Variants in GPATCH8 observed in about 807,000 individuals in gnomAD.
GPATCH8 encodes the protein G-patch domain containing 8, also known as G patch domain-containing protein 8.
In GPATCH8, 18 loss-of-function variants were observed where a neutral mutation model predicts 118.3. The ratio of observed to expected loss-of-function variants is 0.15; its 90% CI spans 0.11 to 0.23. The LOEUF (loss-of-function observed/expected upper bound fraction) is 0.23. Among genes scored for constraint, GPATCH8 ranks in the 10% least tolerant of loss-of-function variants. GPATCH8 has a pLI of 1.00. For synonymous variants in GPATCH8, 659 were observed against 684.7 expected (o/e 0.96, Z 0.59); for missense variants, 1,631 against 1,873.8 (o/e 0.87, Z 2.39).
intron 6 of GPATCH8, among the ~76,000 whole-genome samples, chr17:44,412,072 G>T (rs147045311): frequency 6.6e-6 from 1 of 152,152 alleles, no homozygotes; most frequent in Middle Eastern, 3.4e-3. Flanking sequence ...ACAAGCATGC[G>T]CCACCACGCC....
Position 44,503,328 on chromosome 17 carries a change from G to A in GPATCH8, c.43C>T (p.Gln15Ter). ...FSRFNEDRDF[Q>*]GNHFDQYEEG... Reference sequence around the variant, plus strand: ...TCCTCGGCGACGCCCGTGTTTACCTGAAAGTCTCGGTCTTCGTTGAAGCGG... The same window carrying A: ...TCCTCGGCGACGCCCGTGTTTACCTAAAAGTCTCGGTCTTCGTTGAAGCGG... Residue 15 changes from glutamine to a stop codon, truncating the protein, a stop_gained and splice_region_variant, in exon 1 of 8, where the codon CAG becomes TAG. Coordinates refer to ENST00000591680, the MANE Select transcript of GPATCH8 (RefSeq NM_001002909.4). LOFTEE classifies it high-confidence loss of function. 1 of 1,610,760 alleles carries A rather than the reference G, an allele frequency of 6.2e-7. No individual in the cohort carries two copies. Among genetic ancestry groups the A allele is most frequent in the Non-Finnish European group, 8.5e-7 (1 of 1,178,642 alleles).
chr17:44,471,352 C>G (rs138050677), intron 2 of GPATCH8, among the ~76,000 whole-genome samples: 1,831 of 152,274 alleles, frequency 0.012, 14 homozygotes, highest in Non-Finnish European at 0.017. Context: ...TCTCATTTCC[C>G]ATCTTGCTGG....
chr17:44,401,986 A>G, intron 7 of GPATCH8, among the ~76,000 whole-genome samples: 1 of 150,168 alleles, frequency 6.7e-6, no homozygotes. Flanking sequence ...TCTGGGTGAC[A>G]GAGCGAGACT....
intron 3 of GPATCH8, 193 bp from the exon 4 acceptor site, chr17:44,436,738 C>G (rs2050526399): frequency 2.8e-5 from 16 of 569,684 alleles, no homozygotes; most frequent in South Asian, 3.8e-5. Context: ...AATTAACCAC[C>G]TTGGCTGACG....
intron 3 of GPATCH8, among the ~76,000 whole-genome samples, chr17:44,456,476 T>C (rs574193362): frequency 6.6e-6 from 1 of 151,846 alleles, no homozygotes; most frequent in South Asian, 2.1e-4. Flanking sequence ...ATTGTAACAT[T>C]ACATGTTTCT....
At chr17:44,438,663 A>G (rs561556757) in intron 3 of GPATCH8, 1 of 152,648 alleles carries the variant, frequency 6.6e-6, no homozygotes, top group East Asian at 1.9e-4. Context: ...CTGAAAATAA[A>G]AAATTACCAC....
intron 1 of GPATCH8, among the ~76,000 whole-genome samples, chr17:44,479,409 A>G (rs915458173): frequency 6.6e-6 from 1 of 152,224 alleles, no homozygotes; most frequent in Non-Finnish European, 1.5e-5. Flanking sequence ...ATGCAATACA[A>G]ATCAGGATTA....
At chr17:44,452,549 A>G (rs1235539750) in intron 3 of GPATCH8, among the ~76,000 whole-genome samples, 1 of 152,098 alleles carries the variant, frequency 6.6e-6, no homozygotes, top group East Asian at 1.9e-4. Context: ...CTTCATAGTT[A>G]TTCCTTCCTT....
At chr17:44,474,466 A>C (rs1967569336) in intron 2 of GPATCH8, 1 of 307,934 alleles carries the variant, frequency 3.2e-6, no homozygotes, top group Non-Finnish European at 6.3e-6. Flanking sequence ...AACATTTCAT[A>C]CATAATTATA....
intron 3 of GPATCH8, among the ~76,000 whole-genome samples, chr17:44,443,936 G>A (rs1388610970): frequency 6.6e-6 from 1 of 152,142 alleles, no homozygotes; most frequent in Non-Finnish European, 1.5e-5. Flanking sequence ...GGCCCCACAA[G>A]GTGCTGGGAT....
At chr17:44,492,811 A>G (rs1209422998) in intron 1 of GPATCH8, among the ~76,000 whole-genome samples, 1 of 152,208 alleles carries the variant, frequency 6.6e-6, no homozygotes, top group African/African-American at 2.4e-5. Flanking sequence ...AGTATCCAGT[A>G]GAAATACCAT....
intron 2 of GPATCH8, among the ~76,000 whole-genome samples, chr17:44,469,468 T>C (rs1173594215): frequency 6.6e-6 from 1 of 152,206 alleles, no homozygotes. Flanking sequence ...TGTAAGTTTT[T>C]ACAGTAGGAA....
chr17:44,441,727 G>A (rs1313682480), intron 3 of GPATCH8, among the ~76,000 whole-genome samples: 4 of 137,782 alleles, frequency 2.9e-5, no homozygotes, highest in Non-Finnish European at 6.2e-5. Flanking sequence ...CCTTCCCCCC[G>A]CCCCCCAAAA....
intron 5 of GPATCH8, among the ~76,000 whole-genome samples, chr17:44,427,313 C>A (rs1444339745): frequency 1.3e-5 from 2 of 151,496 alleles, no homozygotes; most frequent in African/African-American, 4.8e-5. Context: ...TTTTTATAGG[C>A]TTATGTTTAT....
chr17:44,490,652 T>C (rs887606127), intron 1 of GPATCH8, among the ~76,000 whole-genome samples: 52 of 148,156 alleles, frequency 3.5e-4, no homozygotes, highest in African/African-American at 1.3e-3. Context: ...ATCTAGCTTT[T>C]CTAAAAAAAA....
At chr17:44,444,956 T>C (rs1395988022) in intron 3 of GPATCH8, among the ~76,000 whole-genome samples, 1 of 152,214 alleles carries the variant, frequency 6.6e-6, no homozygotes, top group East Asian at 1.9e-4. Context: ...GTCATCATGA[T>C]GCGCGCCGCT....
chr17:44,444,007 C>T (rs1218071108), intron 3 of GPATCH8, among the ~76,000 whole-genome samples: 1 of 152,104 alleles, frequency 6.6e-6, no homozygotes, highest in Non-Finnish European at 1.5e-5. Flanking sequence ...TTTTCTAAGG[C>T]ACACAAGTTT....
At chr17:44,498,355 T>C (rs1421633377) in intron 1 of GPATCH8, among the ~76,000 whole-genome samples, 1 of 152,218 alleles carries the variant, frequency 6.6e-6, no homozygotes, top group Non-Finnish European at 1.5e-5. Context: ...ATATACATCA[T>C]CACATGAAGT....
chr17:44,497,641 C>CA (rs1230994404), intron 1 of GPATCH8, among the ~76,000 whole-genome samples: 1 of 151,396 alleles, frequency 6.6e-6, no homozygotes, highest in Non-Finnish European at 1.5e-5. Flanking sequence ...TTGACCACAT[C>CA]AAAAAAACAG....
Sources: allele counts gnomAD v4.1 joint callset (sites outside exome capture counted in the v4.1 genomes callset), GRCh38; gene constraint gnomAD v4.1.1; transcripts MANE v1.5; gene names NCBI Gene and HGNC (gene_info 2026-07-23, HGNC 2026-07-21).